Variants in SSUH2 observed in about 807,000 individuals in gnomAD.
SSUH2 encodes ssu-2 homolog.
A neutral mutation model predicts 55.3 loss-of-function variants in SSUH2; 47 were observed. The observed-to-expected ratio is 0.85, with a 90% CI of 0.67 to 1.08. SSUH2 has a LOEUF of 1.08. Ranked by LOEUF, SSUH2 falls within the 50% of genes least tolerant of loss-of-function variation. The pLI is 0.00. For missense variants in SSUH2, 535 were observed against 490.7 expected (o/e 1.09, Z -0.85); for synonymous variants, 212 against 191.5 (o/e 1.11, Z -0.89).
In SSUH2 at chr3:8,619,702, G is replaced by C. The variant is rs1029881164; in HGVS notation, c.*166C>G. The C allele has an allele frequency of 3.0e-6, 2 of 669,904 alleles. No individual in the cohort carries two copies. The highest frequency in any genetic ancestry group is 3.6e-5 in the African/African-American group (2 of 55,136). The allele number at this position is 669,904 out of a possible 1,614,324, so 41.5% of individuals were successfully genotyped here. ...AGTCATGGATTCCACCAGAGGAGCT[G>C]TATAAGGGGTTGGAGCTTGATAGAT... On this transcript the variant is annotated 3_prime_UTR_variant, in exon 12 of 12. Coordinates refer to ENST00000544814, the MANE Select transcript of SSUH2 (RefSeq NM_001256748.3).
At chr3:8,662,229 T>A (rs1703563660) in intron 6 of SSUH2, among the ~76,000 whole-genome samples, 1 of 152,222 alleles carries the variant, frequency 6.6e-6, no homozygotes. Flanking sequence ...GTGCCTCTGC[T>A]TGCAAGACAT....
At chr3:8,675,451 G>A (rs1447822615) in intron 3 of SSUH2, among the ~76,000 whole-genome samples, 1 of 152,160 alleles carries the variant, frequency 6.6e-6, no homozygotes, top group Non-Finnish European at 1.5e-5. Context: ...CATTGCAGTC[G>A]GGTGTCCCAA....
At chr3:8,639,900 T>C (rs1700550882) in intron 1 of SSUH2, 1 of 934,322 alleles carries the variant, frequency 1.1e-6, no homozygotes, top group Non-Finnish European at 1.3e-6. Context: ...AAACAAAGAG[T>C]GGGAATCCAA....
intron 1 of SSUH2, among the ~76,000 whole-genome samples, chr3:8,641,787 C>T (rs1434840104): frequency 6.6e-6 from 1 of 152,250 alleles, no homozygotes; most frequent in Non-Finnish European, 1.5e-5. Context: ...CCAAGAAGTC[C>T]AGCACCCTTT....
At chr3:8,621,044 C>A (rs1196377286) in intron 11 of SSUH2, among the ~76,000 whole-genome samples, 2 of 152,350 alleles carry the variant, frequency 1.3e-5, no homozygotes, top group African/African-American at 4.8e-5. Context: ...AGGCTCCCAT[C>A]TGTACTGGCT....
At position 8,623,647 on chromosome 3, in the gene SSUH2, T is replaced by C. The variant is rs376621482; in HGVS notation, c.883A>G (p.Ile295Val). The C allele has an allele frequency of 7.9e-6, 12 of 1,524,278 alleles. No individual in the cohort carries two copies. In the African/African-American group the frequency reaches 1.5e-4, roughly 19 times the overall value. The allele number at this position is 1,524,278 out of a possible 1,614,324, so 94.4% of individuals were successfully genotyped here. Residue 295 changes from isoleucine to valine, a missense_variant, in exon 11 of 12, where the codon ATC (isoleucine) becomes GTC (valine). Transcript: ENST00000544814. ...ATGTCTCGCAGAGGGAAGTCCACGA[T>C]GGGGTACACCTGGGGGAAAGAGAGA... Reference protein sequence around the residue: ...FKDENSVVYPIVDFPLRDISL... With the variant: ...FKDENSVVYPVVDFPLRDISL...
At chr3:8,675,675 T>A (rs1705165803) in intron 3 of SSUH2, among the ~76,000 whole-genome samples, 1 of 151,850 alleles carries the variant, frequency 6.6e-6, no homozygotes, top group Non-Finnish European at 1.5e-5. Flanking sequence ...AGCTGTGGGG[T>A]TTTGTAGACT....
At chr3:8,633,083 G>T (rs1489846866) in intron 4 of SSUH2, among the ~76,000 whole-genome samples, 1 of 151,400 alleles carries the variant, frequency 6.6e-6, no homozygotes, top group Non-Finnish European at 1.5e-5. Context: ...AGGCGTGTGT[G>T]TAGCATGCGT....
At chr3:8,635,710 C>T (rs778262626) in intron 2 of SSUH2, 49 bp downstream of exon 2, 30 of 1,466,530 alleles carry the variant, frequency 2.0e-5, no homozygotes, top group Admixed American at 1.7e-4. Context: ...CACCAACCAG[C>T]GTGAGCCCTA....
At chr3:8,635,173 G>A in intron 3 of SSUH2, 127 bp downstream of exon 3, 1 of 693,652 alleles carries the variant, frequency 1.4e-6, no homozygotes, top group Non-Finnish European at 2.4e-6. Context: ...GGAGGATCTG[G>A]TGCAGTAGGT....
chr3:8,679,073 G>GTGGGGA lies in SSUH2; in HGVS notation c.-901+631_-901+632insTCCCCA, dbSNP rs1479202014. ...CAGGGGAGGAAGCACCCCCCGCGAG[G>GTGGGGA]CGGGGACTGAGAGCAAGCACCTCTT... On this transcript the variant is annotated intron_variant, in intron 2 of 18. Coordinates refer to the SSUH2 transcript ENST00000317371. Among the ~76,000 whole-genome samples the GTGGGGA allele has an allele frequency of 2.2e-3, 242 of 109,504 alleles. 50 individuals are homozygous for GTGGGGA. The highest frequency in any genetic ancestry group is 7.2e-3 in the African/African-American group (233 of 32,252). The allele number at this position is 109,504 out of a possible 152,430, so 71.8% of individuals were successfully genotyped here.
At chr3:8,639,932 G>T in intron 1 of SSUH2, 4 of 982,514 alleles carry the variant, frequency 4.1e-6, no homozygotes, top group Non-Finnish European at 4.8e-6. Flanking sequence ...AAGTGTTAGG[G>T]GAACAGCAAA....
intron 6 of SSUH2, among the ~76,000 whole-genome samples, chr3:8,661,593 C>T (rs12638942): frequency 0.36 from 55,127 of 152,074 alleles, 11,613 homozygotes; most frequent in East Asian, 0.6. Context: ...CTCCCGAATC[C>T]GAGACAAAGG....
chr3:8,626,095 T>TCC (rs1337718754), intron 9 of SSUH2, 134 bp downstream of exon 9: 1 of 721,430 alleles, frequency 1.4e-6, no homozygotes, highest in African/African-American at 1.7e-5. Flanking sequence ...AAGGGAATTC[T>TCC]CCCCCTTCTA....
intron 2 of SSUH2, among the ~76,000 whole-genome samples, chr3:8,678,447 T>C (rs1705599295): frequency 1.3e-5 from 2 of 151,710 alleles, no homozygotes; most frequent in Non-Finnish European, 2.9e-5. Flanking sequence ...TATTATCCTC[T>C]CCGCCTCTAT....
intron 3 of SSUH2, among the ~76,000 whole-genome samples, chr3:8,674,489 T>C (rs1705000386): frequency 6.6e-6 from 1 of 152,148 alleles, no homozygotes; most frequent in Non-Finnish European, 1.5e-5. Context: ...TTGATTTTCT[T>C]GTAGACAGCG....
chr3:8,671,800 C>G (rs551050265), intron 4 of SSUH2: 1 of 131,710 alleles, frequency 7.6e-6, no homozygotes, highest in South Asian at 2.2e-4. Context: ...AGTAATATCA[C>G]CCCCCCTCTC....
At chr3:8,627,391 C>T in intron 8 of SSUH2, 1 of 302,144 alleles carries the variant, frequency 3.3e-6, no homozygotes, top group Non-Finnish European at 6.1e-6. Context: ...ATTCACTTCC[C>T]AACCCGTGGG....
intron 3 of SSUH2, 150 bp downstream of exon 3, chr3:8,635,150 A>G: frequency 6.4e-6 from 4 of 623,878 alleles, no homozygotes; most frequent in Non-Finnish European, 1.1e-5. Context: ...GTAAATCCCT[A>G]AGCCCCATCC....
Sources: allele counts gnomAD v4.1 joint callset (sites outside exome capture counted in the v4.1 genomes callset), GRCh38; gene constraint gnomAD v4.1.1; transcripts MANE v1.5; gene names NCBI Gene and HGNC (gene_info 2026-07-23, HGNC 2026-07-21).